Variants in ABTB3 observed in about 807,000 individuals in gnomAD.
The protein encoded by ABTB3 is ankyrin repeat and BTB domain containing 3, also known as ankyrin repeat- and BTB/POZ domain-containing protein 3.
chr12:107,582,045 A>G, the ABTB3 span, among the ~76,000 whole-genome samples: 7 of 152,130 alleles, frequency 4.6e-5, no homozygotes, highest in African/African-American at 1.7e-4. Context: ...TTGATGGGAA[A>G]CTGCCTTTCC....
the ABTB3 span, among the ~76,000 whole-genome samples, chr12:107,400,908 C>T: frequency 2.0e-5 from 3 of 152,092 alleles, no homozygotes; most frequent in East Asian, 1.9e-4. Flanking sequence ...AGCCTGGTTT[C>T]GAAAGGCCCT....
At chr12:107,334,671 G>A in the ABTB3 span, among the ~76,000 whole-genome samples, 2 of 152,098 alleles carry the variant, frequency 1.3e-5, no homozygotes. Flanking sequence ...TGGGAGTTGA[G>A]AGCATGTGGA....
the ABTB3 span, among the ~76,000 whole-genome samples, chr12:107,598,188 G>C: frequency 1.3e-5 from 2 of 152,216 alleles, no homozygotes; most frequent in East Asian, 3.9e-4. Context: ...TCTGTCCCAG[G>C]AGGGTGGTGA....
chr12:107,569,237 G>T, the ABTB3 span, among the ~76,000 whole-genome samples: 1 of 152,130 alleles, frequency 6.6e-6, no homozygotes, highest in Non-Finnish European at 1.5e-5. Flanking sequence ...ATTCCTTTCT[G>T]GTTTGGGTTG....
At chr12:107,640,876 G>A in the ABTB3 span, among the ~76,000 whole-genome samples, 225 of 152,322 alleles carry the variant, frequency 1.5e-3, 1 homozygote, top group Admixed American at 3.1e-3. Flanking sequence ...CTCTGCAACT[G>A]CCCTTTCTTC....
At chr12:107,406,517 G>C in the ABTB3 span, among the ~76,000 whole-genome samples, 586 of 152,082 alleles carry the variant, frequency 3.9e-3, 5 homozygotes, top group African/African-American at 0.013. Flanking sequence ...TCTGGTTGCT[G>C]TTGAGCCCAG....
the ABTB3 span, among the ~76,000 whole-genome samples, chr12:107,379,846 C>T: frequency 7.9e-5 from 12 of 152,174 alleles, no homozygotes; most frequent in African/African-American, 2.7e-4. Context: ...CTTTGAATCT[C>T]GGCTCCACTC....
chr12:107,591,467 C>T, the ABTB3 span, among the ~76,000 whole-genome samples: 5 of 152,138 alleles, frequency 3.3e-5, no homozygotes, highest in African/African-American at 1.2e-4. Flanking sequence ...GGAGGGGCTA[C>T]ACACTTTCAA....
chr12:107,497,716 A>G, the ABTB3 span, among the ~76,000 whole-genome samples: 1 of 152,180 alleles, frequency 6.6e-6, no homozygotes, highest in East Asian at 1.9e-4. Context: ...ACAGCTTTTC[A>G]GTGTCAGAAA....
At chr12:107,525,542 T>G in the ABTB3 span, among the ~76,000 whole-genome samples, 1 of 152,134 alleles carries the variant, frequency 6.6e-6, no homozygotes, top group Non-Finnish European at 1.5e-5. Flanking sequence ...AGCCTAGGTG[T>G]GCAGTAGGCT....
the ABTB3 span, among the ~76,000 whole-genome samples, chr12:107,433,658 T>A: frequency 3.9e-5 from 6 of 152,318 alleles, no homozygotes; most frequent in Admixed American, 2.0e-4. Context: ...AAGCAGAATC[T>A]AAGCAAAGAT....
chr12:107,596,061 A>C, the ABTB3 span, among the ~76,000 whole-genome samples: 2,599 of 152,320 alleles, frequency 0.017, 77 homozygotes, highest in African/African-American at 0.057. Flanking sequence ...GAATCATAAA[A>C]TATTAGGTAT....
chr12:107,341,346 G>A, the ABTB3 span, among the ~76,000 whole-genome samples: 1 of 152,152 alleles, frequency 6.6e-6, no homozygotes, highest in Non-Finnish European at 1.5e-5. Flanking sequence ...CCCTGGCAGG[G>A]GAGTCTAGCA....
At chr12:107,320,551 G>C in the ABTB3 span, 59 of 456,118 alleles carry the variant, frequency 1.3e-4, no homozygotes, top group East Asian at 3.8e-3. Context: ...CCCTCGGGGG[G>C]CACGCAGTGC....
chr12:107,474,404 T>C, the ABTB3 span, among the ~76,000 whole-genome samples: 1,744 of 152,220 alleles, frequency 0.011, 45 homozygotes, highest in African/African-American at 0.039. Context: ...AACACGATAT[T>C]GACACATTTA....
the ABTB3 span, among the ~76,000 whole-genome samples, chr12:107,593,747 G>A: frequency 1.3e-5 from 2 of 152,170 alleles, no homozygotes; most frequent in Admixed American, 1.3e-4. Flanking sequence ...AACTCCACGA[G>A]GTTGGGGACC....
chr12:107,499,519 C>T, the ABTB3 span, among the ~76,000 whole-genome samples: 332 of 152,114 alleles, frequency 2.2e-3, 1 homozygote, highest in Middle Eastern at 3.4e-3. Context: ...TTTCACACTG[C>T]TATAAAGAAC....
At chr12:107,494,907 C>G in the ABTB3 span, among the ~76,000 whole-genome samples, 1 of 152,160 alleles carries the variant, frequency 6.6e-6, no homozygotes, top group Non-Finnish European at 1.5e-5. Context: ...CATTGCAGTC[C>G]CCCTGGAGCC....
chr12:107,334,718 G>A, the ABTB3 span, among the ~76,000 whole-genome samples: 130 of 152,256 alleles, frequency 8.5e-4, 1 homozygote, highest in African/African-American at 2.9e-3. Context: ...AGGTCACAGC[G>A]GGAGTGAGTA....
Sources: allele counts gnomAD v4.1 joint callset (sites outside exome capture counted in the v4.1 genomes callset), GRCh38; gene constraint gnomAD v4.1.1; transcripts MANE v1.5; gene names NCBI Gene and HGNC (gene_info 2026-07-23, HGNC 2026-07-21).